The following SV2C variants were observed in gnomAD, a reference collection of about 807,000 sequenced individuals.
The protein encoded by SV2C is solute carrier family 22 member B3.
SV2C carries 49 observed loss-of-function variants against 79.7 expected under a neutral mutation model. The observed-to-expected ratio is 0.61, with a 90% CI of 0.49 to 0.78. The LOEUF is 0.78. Ranked by LOEUF, SV2C falls within the 30% of genes least tolerant of loss-of-function variation. The pLI, the probability that SV2C is intolerant of heterozygous loss-of-function variation, is 0.00. For missense variants in SV2C, 833 were observed against 912.9 expected, an observed-to-expected ratio of 0.91 and a Z score of 1.13; for synonymous variants, 334 against 333.2, an observed-to-expected ratio of 1.00 and a Z score of -0.03.
At chr5:75,992,517 C>G in the SV2C span, among the ~76,000 whole-genome samples, 2 of 151,982 alleles carry the variant, frequency 1.3e-5, no homozygotes, top group Non-Finnish European at 2.9e-5. Flanking sequence ...TGTCTTCAGT[C>G]TACAAATCAC....
chr5:76,300,656 C>A (rs897571276), intron 10 of SV2C, 73 bp from the exon 11 acceptor site: 2 of 1,492,810 alleles, frequency 1.3e-6, no homozygotes, highest in African/African-American at 2.8e-5. Context: ...TCTCCGAATC[C>A]TCCATAGGCT....
At chr5:76,052,605 G>A in the SV2C span, among the ~76,000 whole-genome samples, 1 of 152,166 alleles carries the variant, frequency 6.6e-6, no homozygotes, top group Non-Finnish European at 1.5e-5. Context: ...GATGGCCAGG[G>A]TGCTGGAGGA....
the SV2C span, among the ~76,000 whole-genome samples, chr5:75,998,677 G>GGT: frequency 8.2e-5 from 12 of 146,614 alleles, no homozygotes; most frequent in South Asian, 6.3e-4. Context: ...TATGTGTGTG[G>GGT]GTGTGTGTGT....
intron 12 of SV2C, among the ~76,000 whole-genome samples, chr5:76,310,240 G>A (rs1387165739): frequency 2.0e-5 from 3 of 152,218 alleles, no homozygotes; most frequent in South Asian, 2.1e-4. Context: ...GCTAAGTGCT[G>A]TAGAGAAAAA....
At position 76,325,690 on chromosome 5, in the gene SV2C, AAGC is replaced by A. The variant is rs1410815928; in HGVS notation, c.*145_*147del. On this transcript the variant is annotated 3_prime_UTR_variant, in exon 13 of 13. Transcript: ENST00000502798. ...ACACGTGCTGTGACTTAAAATTTAG[AAGC>A]ATATCATCTTGCCCCTTTGTGATTT... 13 of 1,187,092 alleles carry A rather than the reference AAGC, an allele frequency of 1.1e-5. No homozygotes were observed. The African/African-American group carries it at 1.5e-4, about 14-fold the overall frequency. 73.5% of individuals were successfully genotyped at this position (1,187,092 alleles called of 1,614,324 possible).
At chr5:75,870,813 G>A in the SV2C span, among the ~76,000 whole-genome samples, 3 of 152,212 alleles carry the variant, frequency 2.0e-5, no homozygotes, top group Non-Finnish European at 2.9e-5. Flanking sequence ...AATACATCTG[G>A]CAGCAGTCTT....
chr5:76,092,685 A>C (rs1747418676), intron 1 of SV2C, among the ~76,000 whole-genome samples: 2 of 152,128 alleles, frequency 1.3e-5, no homozygotes, highest in Admixed American at 6.5e-5. Context: ...TCGACTGTGT[A>C]TTTGACGGGA....
chr5:76,267,426 T>G (rs1305304166), intron 4 of SV2C, among the ~76,000 whole-genome samples: 1 of 152,226 alleles, frequency 6.6e-6, no homozygotes, highest in Non-Finnish European at 1.5e-5. Context: ...TACAATATGA[T>G]GATTTTTTTC....
chr5:75,912,167 A>G, the SV2C span, among the ~76,000 whole-genome samples: 1 of 144,710 alleles, frequency 6.9e-6, no homozygotes, highest in East Asian at 2.3e-4. Context: ...AATCACTATA[A>G]AAAGCAAAAG....
At chr5:76,036,228 C>G in the SV2C span, among the ~76,000 whole-genome samples, 2 of 151,820 alleles carry the variant, frequency 1.3e-5, no homozygotes. Context: ...TTAATTGGAG[C>G]ATTTAGTCCA....
rs972641948 is a variant in SV2C, at chr5:76,332,853, T to G, written c.*7306T>G. On this transcript the variant is annotated 3_prime_UTR_variant, in exon 13 of 13. Coordinates refer to ENST00000502798, the MANE Select transcript of SV2C (RefSeq NM_014979.4). ...TGCATAGACACAGGCCACATCACAT[T>G]GAGTATCATGGATTTATGGGTCAGC... 1 of 152,164 alleles carries G rather than the reference T, an allele frequency of 6.6e-6. No homozygotes were observed. The highest frequency in any genetic ancestry group is 1.5e-5 in the Non-Finnish European group (1 of 68,040). 9.4% of individuals were successfully genotyped at this position (152,164 alleles called of 1,614,324 possible).
intron 12 of SV2C, among the ~76,000 whole-genome samples, chr5:76,308,664 C>T (rs760902648): frequency 2.1e-4 from 30 of 141,602 alleles, no homozygotes; most frequent in African/African-American, 6.5e-4. Context: ...GCAACTTGTT[C>T]GATTCCAAGT....
intron 4 of SV2C, among the ~76,000 whole-genome samples, chr5:76,257,530 G>A (rs1746324124): frequency 6.6e-6 from 1 of 150,728 alleles, no homozygotes; most frequent in African/African-American, 2.4e-5. Context: ...TGGTGTATGA[G>A]CGTGTGGTGT....
chr5:76,336,275 T>G (rs1407945903), downstream of SV2C, among the ~76,000 whole-genome samples: 26 of 113,508 alleles, frequency 2.3e-4, no homozygotes, highest in African/African-American at 3.1e-4. Context: ...AGGCGGAGGG[T>G]CTCCCCACCT....
intron 2 of SV2C, among the ~76,000 whole-genome samples, chr5:76,178,664 TA>T (rs1743619140): frequency 6.6e-6 from 1 of 152,266 alleles, no homozygotes; most frequent in African/African-American, 2.4e-5. Context: ...GGACCTTTTT[TA>T]AATTGAATAA....
chr5:76,028,784 T>C, the SV2C span, among the ~76,000 whole-genome samples: 3 of 152,186 alleles, frequency 2.0e-5, no homozygotes, highest in South Asian at 6.2e-4. Context: ...ACTGGGGATG[T>C]ATAGCAGCAT....
the SV2C span, among the ~76,000 whole-genome samples, chr5:75,887,794 A>G: frequency 3.3e-5 from 5 of 152,172 alleles, no homozygotes; most frequent in African/African-American, 1.2e-4. Context: ...AGCAACAGCA[A>G]AAACAAGAAT....
the SV2C span, among the ~76,000 whole-genome samples, chr5:75,896,108 A>G: frequency 3.9e-5 from 6 of 152,022 alleles, no homozygotes; most frequent in Middle Eastern, 6.8e-3. Flanking sequence ...ACATGTGCAC[A>G]ATGTGCAGGT....
chr5:75,975,903 A>C, the SV2C span, among the ~76,000 whole-genome samples: 2 of 152,180 alleles, frequency 1.3e-5, no homozygotes, highest in Non-Finnish European at 2.9e-5. Flanking sequence ...AAGAGAGAAG[A>C]AGCAGAGATT....
Sources: gnomAD v4.1 joint callset for allele counts (sites outside exome capture counted in the v4.1 genomes callset) on GRCh38, gnomAD v4.1.1 for gene constraint, MANE v1.5 for transcripts, NCBI Gene and HGNC (gene_info 2026-07-23, HGNC 2026-07-21) for gene names.